The following BNC2 variants were observed in gnomAD, a reference collection of about 807,000 sequenced individuals.
BNC2 encodes zinc finger protein basonuclin-2.
BNC2 carries 20 observed loss-of-function variants against 76.3 expected under a neutral mutation model. The ratio of observed to expected loss-of-function variants is 0.26; its 90% CI spans 0.18 to 0.38. The LOEUF (loss-of-function observed/expected upper bound fraction) is 0.38, where lower values mean the gene tolerates loss of function less well. Ranked by LOEUF, BNC2 falls within the 10% of genes least tolerant of loss-of-function variation. BNC2 has a pLI of 1.00. For missense variants in BNC2, 1,382 were observed against 1,399.8 expected (o/e 0.99, Z 0.20); for synonymous variants, 582 against 514.8 (o/e 1.13, Z -1.77).
chr9:16,813,845 C>T (rs73649038), intron 1 of BNC2, among the ~76,000 whole-genome samples: 3,907 of 152,118 alleles, frequency 0.026, 172 homozygotes, highest in African/African-American at 0.089. Context: ...CAAACATGTT[C>T]CCCACCCAGT....
At chr9:16,751,652 A>ATATATGTG (rs1825206536) in intron 1 of BNC2, among the ~76,000 whole-genome samples, 2 of 86,958 alleles carry the variant, frequency 2.3e-5, no homozygotes, top group East Asian at 0.015. Flanking sequence ...GTATGTGTGT[A>ATATATGTG]TATATATATG....
Position 16,841,055 on chromosome 9 carries a change from C to T in BNC2, c.3+29591G>A, listed in dbSNP as rs185302782. Among the ~76,000 whole-genome samples the T allele has an allele frequency of 1.3e-3, 204 of 152,220 alleles. 1 individual carries two copies. Among genetic ancestry groups the T allele is most frequent in the African/African-American group, 4.7e-3 (196 of 41,538 alleles). ...TTGAACACTGTAGTTCTCTACTTCA[C>T]GGGCAGAAATGACCTCATGGGCAAT... On this transcript the variant is annotated intron_variant, in intron 1 of 6. Transcript: ENST00000380672.
chr9:16,853,944 C>T (rs116620032), intron 1 of BNC2, among the ~76,000 whole-genome samples: 6 of 152,294 alleles, frequency 3.9e-5, no homozygotes, highest in African/African-American at 1.4e-4. Context: ...ACATTACATG[C>T]TTGTACTATG....
chr9:16,722,508 C>A (rs1824187371), intron 3 of BNC2, among the ~76,000 whole-genome samples: 1 of 152,098 alleles, frequency 6.6e-6, no homozygotes, highest in South Asian at 2.1e-4. Flanking sequence ...GATATCTGCA[C>A]CTTAGAGGGA....
At chr9:16,739,895 G>T (rs10756799) in intron 1 of BNC2, among the ~76,000 whole-genome samples, 64,111 of 151,662 alleles carry the variant, frequency 0.42, 18,174 homozygotes, top group Non-Finnish European at 0.63. Flanking sequence ...AGAATATATA[G>T]CAAGTTTAGT....
intron 5 of BNC2, among the ~76,000 whole-genome samples, chr9:16,464,077 G>A (rs1821650148): frequency 7.4e-6 from 1 of 135,474 alleles, no homozygotes; most frequent in Non-Finnish European, 1.5e-5. Flanking sequence ...CTAGGAGACA[G>A]GGCAAGACCC....
chr9:16,592,839 G>C (rs1315543295), intron 3 of BNC2, among the ~76,000 whole-genome samples: 1 of 152,134 alleles, frequency 6.6e-6, no homozygotes, highest in African/African-American at 2.4e-5. Context: ...CAAATGCTAA[G>C]TGAGTTAATA....
At chr9:16,829,953 C>G (rs1277833403) in intron 1 of BNC2, among the ~76,000 whole-genome samples, 1 of 152,168 alleles carries the variant, frequency 6.6e-6, no homozygotes. Context: ...CATTTTAATG[C>G]CTATTTCTAC....
chr9:16,746,657 G>A (rs991594376), intron 1 of BNC2, among the ~76,000 whole-genome samples: 9 of 151,130 alleles, frequency 6.0e-5, no homozygotes, highest in African/African-American at 1.7e-4. Context: ...GAACAACCGC[G>A]CCTGGCCTAA....
At chr9:16,622,529 G>C (rs993669072) in intron 3 of BNC2, among the ~76,000 whole-genome samples, 2 of 152,076 alleles carry the variant, frequency 1.3e-5, no homozygotes, top group African/African-American at 4.8e-5. Flanking sequence ...CAATCCATTT[G>C]GTCAGAAGGT....
intron 3 of BNC2, among the ~76,000 whole-genome samples, chr9:16,601,473 G>C (rs1008840457): frequency 6.6e-6 from 1 of 152,224 alleles, no homozygotes; most frequent in Middle Eastern, 3.4e-3. Context: ...AACTTGTTTC[G>C]AATCCCCTGG....
chr9:16,620,716 T>G (rs1188848765), intron 3 of BNC2, among the ~76,000 whole-genome samples: 1 of 152,222 alleles, frequency 6.6e-6, no homozygotes, highest in Non-Finnish European at 1.5e-5. Context: ...AAACAGATTT[T>G]AAACTACATT....
chr9:16,497,792 A>T (rs986563673), intron 5 of BNC2, among the ~76,000 whole-genome samples: 15 of 152,172 alleles, frequency 9.9e-5, no homozygotes, highest in Non-Finnish European at 2.1e-4. Context: ...TATACCCTGG[A>T]AAGAACAATT....
intron 1 of BNC2, among the ~76,000 whole-genome samples, chr9:16,859,423 G>C (rs977101580): frequency 6.6e-6 from 1 of 152,180 alleles, no homozygotes; most frequent in Non-Finnish European, 1.5e-5. Context: ...ATTCACAAGA[G>C]CCAAGAGGTG....
At chr9:16,602,060 A>G (rs1820258050) in intron 3 of BNC2, among the ~76,000 whole-genome samples, 1 of 152,160 alleles carries the variant, frequency 6.6e-6, no homozygotes, top group Admixed American at 6.5e-5. Flanking sequence ...TTCTGCTTTC[A>G]TAATTTTTGT....
chr9:16,859,369 G>A (rs1359287045), intron 1 of BNC2, among the ~76,000 whole-genome samples: 1 of 152,176 alleles, frequency 6.6e-6, no homozygotes, highest in African/African-American at 2.4e-5. Flanking sequence ...ATTGAAAGCA[G>A]TATCTTTTAC....
In BNC2 at chr9:16,727,948, CTGTCTCTCTG is replaced by C; in HGVS notation, c.169_178del (p.Gln57GlufsTer9). 1.9e-6 allele frequency: 3 copies of C among 1,614,088 alleles called. No homozygotes were observed. Among genetic ancestry groups the C allele is most frequent in the Non-Finnish European group, 2.5e-6 (3 of 1,180,024 alleles). ...CAAGTCTCTTGCCCTCTTTGGCTCT[CTGTCTCTCTG>C]TGTCTCTCTTTCTCTCACATCCACT... is the stretch of plus-strand genomic sequence containing the variant. On this transcript the variant is annotated frameshift_variant, in exon 3 of 7. Transcript: ENST00000380672. LOFTEE classifies it high-confidence loss of function.
In BNC2 at chr9:16,623,586, T is replaced by A. The variant is rs555916942; in HGVS notation, c.331-40501A>T. On this transcript the variant is annotated intron_variant, in intron 3 of 6. Transcript: ENST00000380672. ...ATTTAAAAATTTCAAGTTAATATGA[T>A]GTGTAGCTGATTTTAAGGATCTAAC... is the stretch of plus-strand genomic sequence containing the variant. Among the ~76,000 whole-genome samples, 3 of 152,324 alleles carry A rather than the reference T, an allele frequency of 2.0e-5. No homozygotes were observed. In the East Asian group the frequency reaches 5.8e-4, roughly 29 times the overall value.
intron 5 of BNC2, among the ~76,000 whole-genome samples, chr9:16,550,974 G>A (rs1818643981): frequency 6.6e-6 from 1 of 152,104 alleles, no homozygotes; most frequent in African/African-American, 2.4e-5. Flanking sequence ...AGTATAAGCA[G>A]GGATTGTGAA....
Sources: allele counts gnomAD v4.1 joint callset (sites outside exome capture counted in the v4.1 genomes callset), GRCh38; gene constraint gnomAD v4.1.1; transcripts MANE v1.5; gene names NCBI Gene and HGNC (gene_info 2026-07-23, HGNC 2026-07-21).